The following STARD13 variants were observed in gnomAD, a reference collection of about 807,000 sequenced individuals.
STARD13 encodes StAR related lipid transfer domain containing 13.
A neutral mutation model predicts 106.4 loss-of-function variants in STARD13; 62 were observed. That is an observed-to-expected ratio of 0.58 (90% CI 0.48 to 0.72). The LOEUF is 0.72. Ranked by LOEUF, STARD13 falls within the 30% of genes least tolerant of loss-of-function variation. The pLI, the probability that STARD13 is intolerant of heterozygous loss-of-function variation, is 0.00. For synonymous variants in STARD13, 565 were observed against 553.0 expected (o/e 1.02, Z -0.31); for missense variants, 1,387 against 1,424.0 (o/e 0.97, Z 0.42).
chr13:33,304,148 G>A (rs545024242), intron 1 of STARD13, among the ~76,000 whole-genome samples: 4 of 152,234 alleles, frequency 2.6e-5, no homozygotes, highest in Non-Finnish European at 5.9e-5. Context: ...ACCACAGGCC[G>A]AAGGCCCTTA....
At chr13:33,652,874 T>C in the STARD13 span, among the ~76,000 whole-genome samples, 1 of 152,098 alleles carries the variant, frequency 6.6e-6, no homozygotes, top group Non-Finnish European at 1.5e-5. Context: ...ATGATACTAC[T>C]TATATTTCTA....
chr13:33,389,482 G>A, the STARD13 span, among the ~76,000 whole-genome samples: 1 of 152,140 alleles, frequency 6.6e-6, no homozygotes, highest in Admixed American at 6.5e-5. Context: ...GGTGCAAATT[G>A]CTTCTCACTG....
chr13:33,612,340 C>G, the STARD13 span, among the ~76,000 whole-genome samples: 20 of 152,198 alleles, frequency 1.3e-4, no homozygotes, highest in Non-Finnish European at 2.2e-4. Flanking sequence ...ACTTGACTTT[C>G]CTCTGGCAGA....
At chr13:33,175,548 G>C (rs1884428166) in intron 1 of STARD13, among the ~76,000 whole-genome samples, 1 of 152,182 alleles carries the variant, frequency 6.6e-6, no homozygotes, top group Non-Finnish European at 1.5e-5. Flanking sequence ...TAGGAAAGGT[G>C]GTGAACAAGA....
At chr13:33,389,728 T>C in the STARD13 span, among the ~76,000 whole-genome samples, 1 of 152,184 alleles carries the variant, frequency 6.6e-6, no homozygotes, top group African/African-American at 2.4e-5. Context: ...TATTACATGG[T>C]CATATAATCT....
the STARD13 span, among the ~76,000 whole-genome samples, chr13:33,521,675 T>C: frequency 1.6e-4 from 25 of 152,132 alleles, no homozygotes; most frequent in African/African-American, 5.6e-4. Context: ...ATTTCTCCTC[T>C]CCACTCTGTG....
chr13:33,221,961 C>T (rs757157092), intron 1 of STARD13, among the ~76,000 whole-genome samples: 2 of 152,062 alleles, frequency 1.3e-5, no homozygotes, highest in African/African-American at 2.4e-5. Context: ...CCATCCTGGC[C>T]AACATGGTGA....
the STARD13 span, among the ~76,000 whole-genome samples, chr13:33,665,803 T>C: frequency 6.6e-6 from 1 of 151,860 alleles, no homozygotes; most frequent in Non-Finnish European, 1.5e-5. Flanking sequence ...AACATTAAGC[T>C]AGAAATAAAA....
chr13:33,478,775 G>A, the STARD13 span, among the ~76,000 whole-genome samples: 2 of 152,078 alleles, frequency 1.3e-5, no homozygotes, highest in African/African-American at 4.8e-5. Flanking sequence ...AATTATCCAG[G>A]TATGGTGGCA....
chr13:33,376,647 A>C, the STARD13 span, among the ~76,000 whole-genome samples: 1 of 152,166 alleles, frequency 6.6e-6, no homozygotes, highest in African/African-American at 2.4e-5. Flanking sequence ...TTAGAATTTC[A>C]AAGGGAGGAA....
At chr13:33,579,783 G>C in the STARD13 span, among the ~76,000 whole-genome samples, 1 of 151,854 alleles carries the variant, frequency 6.6e-6, no homozygotes, top group Admixed American at 6.6e-5. Context: ...CCTCATTAAA[G>C]AAGACATGTA....
chr13:33,231,360 C>A (rs1333929004), intron 1 of STARD13, among the ~76,000 whole-genome samples: 2 of 152,184 alleles, frequency 1.3e-5, no homozygotes, highest in Non-Finnish European at 2.9e-5. Flanking sequence ...TCAGGCCTGG[C>A]ACATGGGTGG....
chr13:33,589,946 AG>A, the STARD13 span, among the ~76,000 whole-genome samples: 3 of 152,252 alleles, frequency 2.0e-5, no homozygotes, highest in East Asian at 5.8e-4. Flanking sequence ...GTCTCTTTGT[AG>A]GTCTCTAAGA....
chr13:33,635,515 C>A, the STARD13 span, among the ~76,000 whole-genome samples: 3 of 151,814 alleles, frequency 2.0e-5, no homozygotes, highest in Non-Finnish European at 4.4e-5. Context: ...AAAAAATTAG[C>A]CGGGTGTGGT....
the STARD13 span, among the ~76,000 whole-genome samples, chr13:33,659,273 T>G: frequency 6.7e-6 from 1 of 149,386 alleles, no homozygotes; most frequent in East Asian, 2.0e-4. Flanking sequence ...TGGAGTGCAG[T>G]GGTGCCATCT....
rs1392755523 is a variant in STARD13 at position 33,130,036 on chromosome 13, T to C, written c.641A>G (p.Gln214Arg). Residue 214 changes from glutamine to arginine, a missense_variant, in exon 5 of 14, where the codon CAG (glutamine) becomes CGG (arginine). Coordinates refer to ENST00000336934, the MANE Select transcript of STARD13 (RefSeq NM_178006.4). The surrounding 1 kb of genome is among the most constrained non-coding windows in gnomAD (Gnocchi z 4.1). ...GGSDSRSQPG[Q>R]CCTDNPVMLD... ...CATGACCGGGTTGTCTGTACAGCAC[T>C]GGCCCGGCTGGCTGCGACTGTCGCT... The C allele has an allele frequency of 3.7e-6, 6 of 1,613,504 alleles. No individual in the cohort carries two copies. Among genetic ancestry groups the C allele is most frequent in the Non-Finnish European group, 5.1e-6 (6 of 1,179,910 alleles).
At chr13:33,557,409 C>G in the STARD13 span, among the ~76,000 whole-genome samples, 2 of 152,122 alleles carry the variant, frequency 1.3e-5, no homozygotes, top group African/African-American at 4.8e-5. Flanking sequence ...CTTGAATTTT[C>G]ATGTTATTCT....
chr13:33,598,385 G>A, the STARD13 span, among the ~76,000 whole-genome samples: 10 of 152,132 alleles, frequency 6.6e-5, no homozygotes, highest in South Asian at 1.9e-3. Flanking sequence ...GTGCTCTTAG[G>A]CTGTAACTCA....
the STARD13 span, among the ~76,000 whole-genome samples, chr13:33,618,244 G>GA: frequency 6.6e-6 from 1 of 152,182 alleles, no homozygotes. Flanking sequence ...AGATCATCCT[G>GA]AAAAATCTAT....
Sources: gnomAD v4.1 joint callset for allele counts (sites outside exome capture counted in the v4.1 genomes callset) on GRCh38, gnomAD v4.1.1 for gene constraint, Gnocchi (gnomAD v3.1) non-coding constraint, MANE v1.5 for transcripts, NCBI Gene and HGNC (gene_info 2026-07-23, HGNC 2026-07-21) for gene names.